The following SYNGR4 variants were observed in gnomAD, a reference collection of about 807,000 sequenced individuals.
SYNGR4 encodes the protein synaptogyrin-4.
In SYNGR4, 15 loss-of-function variants were observed where a neutral mutation model predicts 15.5. The observed-to-expected ratio is 0.97, with a 90% CI of 0.65 to 1.49. SYNGR4 has a LOEUF of 1.49. Among genes scored for constraint, SYNGR4 ranks in the 40% most tolerant of loss-of-function variants. The pLI is 0.00. For synonymous variants in SYNGR4, 121 were observed against 127.4 expected (o/e 0.95, Z 0.34); for missense variants, 292 against 299.3 (o/e 0.98, Z 0.18).
intron 2 of SYNGR4, among the ~76,000 whole-genome samples, chr19:48,370,301 C>T (rs1446077854): frequency 6.6e-6 from 1 of 152,078 alleles, no homozygotes; most frequent in Non-Finnish European, 1.5e-5. Context: ...ACCTGTGCAA[C>T]ATAGCAATAC....
intron 2 of SYNGR4, among the ~76,000 whole-genome samples, chr19:48,369,019 G>A (rs931157304): frequency 2.0e-4 from 30 of 152,316 alleles, no homozygotes; most frequent in African/African-American, 6.7e-4. Flanking sequence ...GGAGACGGAA[G>A]CCCAGCTGGT....
chr19:48,375,036 T>C (rs1053970861), intron 3 of SYNGR4, among the ~76,000 whole-genome samples: 2 of 150,584 alleles, frequency 1.3e-5, no homozygotes, highest in African/African-American at 4.9e-5. Context: ...TTTTTTTTTT[T>C]TTTTTTTGAG....
At chr19:48,368,909 G>A (rs796723717) in intron 2 of SYNGR4, among the ~76,000 whole-genome samples, 7 of 152,302 alleles carry the variant, frequency 4.6e-5, no homozygotes, top group African/African-American at 1.7e-4. Flanking sequence ...GCTCACAGAG[G>A]TTGAGTGGCA....
intron 3 of SYNGR4, among the ~76,000 whole-genome samples, chr19:48,375,025 A>ATTT (rs377458221): frequency 1.0e-4 from 13 of 129,474 alleles, no homozygotes; most frequent in East Asian, 4.6e-4. Flanking sequence ...GCTGAGAAAC[A>ATTT]TTTTTTTTTT....
rs1284969622 is a variant in SYNGR4, at chr19:48,375,599, C to A, written c.332-14C>A. 6.2e-7 allele frequency: 1 copy of A among 1,606,876 alleles called. No individual in the cohort carries two copies. The highest frequency in any genetic ancestry group is 8.5e-7 in the Non-Finnish European group (1 of 1,174,300). On this transcript the variant is annotated splice_polypyrimidine_tract_variant and intron_variant, in intron 3 of 4. Transcript: ENST00000344846. The stretch of plus-strand genomic sequence containing the variant: ...CTTTCCCCCTGCCCCTTTTCTCTCC[C>A]TGTGACGCCACAGTTCTCTGGGCAG...
chr19:48,373,478 G>T, intron 2 of SYNGR4, 39 bp from the exon 3 acceptor site: 1 of 1,567,712 alleles, frequency 6.4e-7, no homozygotes. Flanking sequence ...CAGCTTCAGG[G>T]AGAGACTGAG....
At chr19:48,366,337 T>C (rs1404615710) in intron 2 of SYNGR4, among the ~76,000 whole-genome samples, 2 of 146,314 alleles carry the variant, frequency 1.4e-5, no homozygotes, top group African/African-American at 2.5e-5. Flanking sequence ...TTGCAGTGAG[T>C]GGAGATCATA....
Position 48,365,852 on chromosome 19 carries a change from C to T in SYNGR4, c.10C>T (p.Pro4Ser), listed in dbSNP as rs768020572. Residue 4 changes from proline to serine, a missense_variant, in exon 2 of 5, where the codon CCC becomes TCC. Transcript: ENST00000344846. The stretch of plus-strand genomic sequence containing the variant: ...AAGGAAAACAGCTGCCATGCACATC[C>T]CCAAAAGCCTCCAGGAGCTGGCCAA... Reference protein sequence around the residue: MHIPKSLQELANSE... With the variant: MHISKSLQELANSE... 3.0e-5 allele frequency: 49 copies of T among 1,613,686 alleles called. No individual in the cohort carries two copies. Among genetic ancestry groups the T allele is most frequent in the Non-Finnish European group, 4.1e-5 (48 of 1,179,994 alleles).
Position 48,375,668 on chromosome 19 carries a change from G to T in SYNGR4, c.387G>T (p.Gln129His). ...MGFCFLANQW[Q>H]HSPPKEFLLG... ...TCTGCTTCCTGGCCAACCAATGGCA[G>T]CATTCGCCGCCCAAAGAGTTCCTCC... Residue 129 changes from glutamine (Q) to histidine (H), a missense_variant, in exon 4 of 5, where the codon CAG (glutamine) becomes CAT (histidine). Coordinates refer to ENST00000344846, the MANE Select transcript of SYNGR4 (RefSeq NM_012451.4). The T allele has an allele frequency of 6.2e-7, 1 of 1,614,080 alleles. No individual in the cohort carries two copies. The highest frequency in any genetic ancestry group is 8.5e-7 in the Non-Finnish European group (1 of 1,179,966).
At position 48,373,556 on chromosome 19, in the gene SYNGR4, G is replaced by C. The variant is rs139662043; in HGVS notation, c.133G>C (p.Gly45Arg). The C allele has an allele frequency of 6.2e-7, 1 of 1,613,594 alleles. No individual in the cohort carries two copies. Among genetic ancestry groups the C allele is most frequent in the African/African-American group, 1.3e-5 (1 of 74,884 alleles). ...CGTCTTCTCCTCCCTGCTGACCGAC[G>C]GCTACCAGAACAAGATGGAGTCTCC... ...LIVFSSLLTD[G>R]YQNKMESPQL... The change falls in exon 3 of 5, where the codon GGC becomes CGC. Residue 45 changes from glycine to arginine, a missense_variant. Gly to Arg is a moderately radical substitution (Grantham distance 125). Transcript: ENST00000344846.
chr19:48,376,015 CCCCAGCCCAGTCCCTCTCCTGACCTG>C, intron 4 of SYNGR4, 44 bp from the exon 5 acceptor site: 2 of 1,610,148 alleles, frequency 1.2e-6, no homozygotes, highest in Non-Finnish European at 1.7e-6. Flanking sequence ...CCAGGCCAGT[CCCCAGCCCAGTCCCTCTCCTGACCTG>C]CCCAGCCCAA....
intron 2 of SYNGR4, among the ~76,000 whole-genome samples, chr19:48,367,431 T>A (rs1265909731): frequency 9.1e-5 from 13 of 143,444 alleles, no homozygotes; most frequent in Non-Finnish European, 1.4e-4. Flanking sequence ...AGACTCCATT[T>A]AAAAAAAAAA....
intron 2 of SYNGR4, among the ~76,000 whole-genome samples, chr19:48,367,450 G>A (rs903920179): frequency 6.6e-6 from 1 of 151,746 alleles, no homozygotes; most frequent in African/African-American, 2.4e-5. Flanking sequence ...AAAAAAATTA[G>A]TGCAGATATG....
At chr19:48,373,888 C>T in intron 3 of SYNGR4, 134 bp downstream of exon 3, 1 of 830,680 alleles carries the variant, frequency 1.2e-6, no homozygotes, top group Non-Finnish European at 2.0e-6. Context: ...CAGTAGGAGG[C>T]ATCTGACCAC....
intron 4 of SYNGR4, 129 bp downstream of exon 4, chr19:48,375,881 C>T (rs1260267897): frequency 2.9e-5 from 44 of 1,516,898 alleles, no homozygotes; most frequent in Non-Finnish European, 3.7e-5. Context: ...TCCCCCAGGA[C>T]TCCACTGGTC....
Position 48,376,246 on chromosome 19 carries a change from T to C in SYNGR4, c.633T>C (p.Tyr211=). ...MPTTGPNSLS[Y]ASSALSPCLT... is the part of the protein sequence containing the mutation. ...CCACTGGCCCCAACAGCCTGAGTTA[T>C]GCTAGCTCTGCCCTGTCCCCCTGTC... Residue 211 remains tyrosine (Y), a synonymous_variant, in exon 5 of 5, where the codon TAT becomes TAC. Coordinates refer to ENST00000344846, the MANE Select transcript of SYNGR4 (RefSeq NM_012451.4). 3 of 1,614,140 alleles carry C rather than the reference T, an allele frequency of 1.9e-6. No homozygotes were observed. In the South Asian group the frequency reaches 3.3e-5, roughly 18 times the overall value.
At chr19:48,373,835 C>T in intron 3 of SYNGR4, 81 bp downstream of exon 3, 1 of 1,406,766 alleles carries the variant, frequency 7.1e-7, no homozygotes, top group Non-Finnish European at 1.0e-6. Flanking sequence ...CTCCCGGGCA[C>T]AACCCTTCAC....
intron 4 of SYNGR4, 99 bp from the exon 5 acceptor site, chr19:48,375,986 G>A (rs765307202): frequency 2.1e-5 from 33 of 1,581,804 alleles, no homozygotes; most frequent in African/African-American, 6.8e-5. Context: ...TCCAAACACC[G>A]GTATCTTTTG....
In SYNGR4 at chr19:48,365,750, G is replaced by A. The variant is rs1569043243; in HGVS notation, c.-93G>A. 7.5e-7 allele frequency: 1 copy of A among 1,341,272 alleles called. No individual in the cohort carries two copies. The highest frequency in any genetic ancestry group is 1.0e-6 in the Non-Finnish European group (1 of 955,356). 83.1% of individuals were successfully genotyped at this position (1,341,272 alleles called of 1,614,324 possible). Reference sequence around the variant, plus strand: ...TCATCCCACAGCAGCCAAGCCCAGGGCTGGCCTGAAGCCCCCGGACGGCAG... The same window carrying A: ...TCATCCCACAGCAGCCAAGCCCAGGACTGGCCTGAAGCCCCCGGACGGCAG... On this transcript the variant is annotated 5_prime_UTR_variant, in exon 2 of 5. Coordinates refer to ENST00000344846, the MANE Select transcript of SYNGR4 (RefSeq NM_012451.4).
Sources: allele counts gnomAD v4.1 joint callset (sites outside exome capture counted in the v4.1 genomes callset), GRCh38; gene constraint gnomAD v4.1.1; transcripts MANE v1.5; gene names NCBI Gene and HGNC (gene_info 2026-07-23, HGNC 2026-07-21).